Variants in CC2D2A observed in about 807,000 individuals in gnomAD.
The protein encoded by CC2D2A is coiled-coil and C2 domain containing 2A.
Under a neutral mutation model 212.9 loss-of-function variants are expected in CC2D2A, and 155 were observed. The observed-to-expected ratio is 0.73, with a 90% CI of 0.64 to 0.83. The LOEUF (loss-of-function observed/expected upper bound fraction) is 0.83, where lower values mean the gene tolerates loss of function less well. CC2D2A is among the 40% of genes least tolerant of loss of function. The pLI, the probability that CC2D2A is intolerant of heterozygous loss-of-function variation, is 0.00. For missense variants in CC2D2A, 1,856 were observed against 1,956.2 expected (o/e 0.95, Z 0.97); for synonymous variants, 667 against 686.5 (o/e 0.97, Z 0.44).
At position 15,484,061 on chromosome 4, in the gene CC2D2A, A is replaced by AGTTTATACTCCAGTTGT. The variant is rs576810265; in HGVS notation, c.247+3235_247+3236insTTTATACTCCAGTTGTG. On this transcript the variant is annotated intron_variant, in intron 4 of 36. Coordinates refer to ENST00000424120, the MANE Select transcript of CC2D2A (RefSeq NM_001378615.1). ...ACAGAGTTTATACTCCAGTTGTGGG[A>AGTTTATACTCCAGTTGT]GGGATGAGAGGAAAAAAGAGAAAAA... Among the ~76,000 whole-genome samples the AGTTTATACTCCAGTTGT allele has an allele frequency of 2.5e-3, 379 of 152,334 alleles. 2 individuals are homozygous for AGTTTATACTCCAGTTGT. Among genetic ancestry groups the AGTTTATACTCCAGTTGT allele is most frequent in the African/African-American group, 8.4e-3 (350 of 41,560 alleles).
chr4:15,514,907 T>C, intron 9 of CC2D2A, 38 bp downstream of exon 9: 1 of 1,589,786 alleles, frequency 6.3e-7, no homozygotes. Flanking sequence ...AGCTTAGACA[T>C]CGTCACTTAC....
At chr4:15,517,830 A>G (rs1365929415) in intron 11 of CC2D2A, among the ~76,000 whole-genome samples, 1 of 152,232 alleles carries the variant, frequency 6.6e-6, no homozygotes, top group Admixed American at 6.5e-5. Flanking sequence ...AAGACCTCAC[A>G]ATCATGGCAA....
chr4:15,552,294 C>T (rs1719043882), intron 18 of CC2D2A, among the ~76,000 whole-genome samples: 1 of 152,184 alleles, frequency 6.6e-6, no homozygotes, highest in South Asian at 2.1e-4. Context: ...ACTTATTTAA[C>T]TCCTGTTCCT....
intron 4 of CC2D2A, among the ~76,000 whole-genome samples, chr4:15,495,316 C>T (rs1192122439): frequency 6.6e-6 from 1 of 152,140 alleles, no homozygotes; most frequent in Non-Finnish European, 1.5e-5. Context: ...ACCATGTTGC[C>T]CAGGCTGGTC....
intron 28 of CC2D2A, among the ~76,000 whole-genome samples, chr4:15,570,792 G>T (rs1342074208): frequency 6.6e-6 from 1 of 152,146 alleles, no homozygotes; most frequent in Non-Finnish European, 1.5e-5. Flanking sequence ...GGAGGCTGAG[G>T]CAGGAGAACT....
chr4:15,492,809 T>C (rs1553822041), intron 4 of CC2D2A: 1 of 657,368 alleles, frequency 1.5e-6, no homozygotes, highest in Non-Finnish European at 2.8e-6. Context: ...ATGAGCTTGA[T>C]AAAGTGGTCA....
chr4:15,522,159 C>A (rs1717241673), intron 11 of CC2D2A, among the ~76,000 whole-genome samples: 1 of 152,232 alleles, frequency 6.6e-6, no homozygotes, highest in African/African-American at 2.4e-5. Flanking sequence ...TATTATCACA[C>A]CACTGCACGC....
At chr4:15,532,503 C>T (rs1276038823) in intron 13 of CC2D2A, among the ~76,000 whole-genome samples, 1 of 152,164 alleles carries the variant, frequency 6.6e-6, no homozygotes, top group Non-Finnish European at 1.5e-5. Context: ...CTATAAACTC[C>T]CTGAGGATGG....
intron 33 of CC2D2A, among the ~76,000 whole-genome samples, chr4:15,591,408 G>A (rs1175959210): frequency 1.3e-5 from 2 of 151,852 alleles, no homozygotes; most frequent in African/African-American, 4.8e-5. Context: ...TAGTAGAGAC[G>A]GGGTTTCTCC....
chr4:15,578,087 G>C (rs1343404862), intron 29 of CC2D2A, among the ~76,000 whole-genome samples: 1 of 152,138 alleles, frequency 6.6e-6, no homozygotes, highest in East Asian at 1.9e-4. Flanking sequence ...TTCTACATTA[G>C]AAATCTGTGA....
intron 14 of CC2D2A, 82 bp downstream of exon 14, chr4:15,533,415 G>T (rs1717956513): frequency 9.2e-7 from 1 of 1,083,420 alleles, no homozygotes; most frequent in African/African-American, 1.7e-5. Flanking sequence ...AGTTTTAAAA[G>T]TAATTACAAA....
In CC2D2A at chr4:15,502,958, C is replaced by A. The variant is rs764645219; in HGVS notation, c.438+35C>A. 5 of 1,498,074 alleles carry A rather than the reference C, an allele frequency of 3.3e-6. No homozygotes were observed. In the African/African-American group the frequency reaches 5.6e-5, roughly 17 times the overall value. 92.8% of individuals were successfully genotyped at this position (1,498,074 alleles called of 1,614,324 possible). A position where few individuals can be genotyped will look rare whatever the true frequency, so the allele number is the denominator to read the frequency against. On this transcript the variant is annotated intron_variant, in intron 6 of 36. Transcript: ENST00000424120. ...ACCCTCTCTACTTTGTGATCAAAAC[C>A]AGTAAAGCAGAATATAAAGTTTCCA... is the stretch of plus-strand genomic sequence containing the variant.
intron 3 of CC2D2A, chr4:15,479,286 C>T (rs949263908): frequency 6.5e-7 from 1 of 1,537,234 alleles, no homozygotes; most frequent in Non-Finnish European, 8.7e-7. Flanking sequence ...AGGAGTTCCC[C>T]TCCTAGGCTG....
intron 11 of CC2D2A, among the ~76,000 whole-genome samples, chr4:15,526,927 C>G (rs1717539114): frequency 6.6e-6 from 1 of 152,198 alleles, no homozygotes; most frequent in Non-Finnish European, 1.5e-5. Flanking sequence ...AAACCAACAT[C>G]CCTCCTCCCC....
At position 15,544,118 on chromosome 4, in the gene CC2D2A, G is replaced by A. The variant is rs115646048; in HGVS notation, c.2181+3104G>A. On this transcript the variant is annotated intron_variant, in intron 17 of 36. Coordinates refer to ENST00000424120, the MANE Select transcript of CC2D2A (RefSeq NM_001378615.1). ...CTTCCCACATCAACCTGTCTGCCGTGCCCCTGAACACATTCACTTAAATTT... is the reference window on the plus strand; with the variant it reads ...CTTCCCACATCAACCTGTCTGCCGTACCCCTGAACACATTCACTTAAATTT... Among the ~76,000 whole-genome samples, 416 of 152,262 alleles carry A rather than the reference G, an allele frequency of 2.7e-3. 5 individuals are homozygous for A. Among genetic ancestry groups the A allele is most frequent in the African/African-American group, 9.5e-3 (394 of 41,532 alleles).
At chr4:15,516,807 G>C in intron 11 of CC2D2A, 51 bp downstream of exon 11, 2 of 1,573,966 alleles carry the variant, frequency 1.3e-6, no homozygotes, top group Non-Finnish European at 1.7e-6. Context: ...AAAGTGCTTT[G>C]CTTTCTGAAT....
At chr4:15,585,109 G>C (rs1720807258) in intron 30 of CC2D2A, among the ~76,000 whole-genome samples, 2 of 152,124 alleles carry the variant, frequency 1.3e-5, no homozygotes, top group South Asian at 2.1e-4. Flanking sequence ...ATTAAAATCA[G>C]AACTACAATG....
intron 8 of CC2D2A, among the ~76,000 whole-genome samples, chr4:15,513,996 TA>T (rs1291795262): frequency 6.6e-6 from 1 of 152,148 alleles, no homozygotes; most frequent in African/African-American, 2.4e-5. Context: ...TTTAAATTTT[TA>T]AAAGAAGGAG....
chr4:15,590,747 T>C (rs1721065721), intron 33 of CC2D2A, among the ~76,000 whole-genome samples: 1 of 152,208 alleles, frequency 6.6e-6, no homozygotes, highest in African/African-American at 2.4e-5. Flanking sequence ...TTAATTATTA[T>C]TTTTCTTTTG....
Sources: gnomAD v4.1 joint callset for allele counts (sites outside exome capture counted in the v4.1 genomes callset) on GRCh38, gnomAD v4.1.1 for gene constraint, MANE v1.5 for transcripts, NCBI Gene and HGNC (gene_info 2026-07-23, HGNC 2026-07-21) for gene names.